CREBRF: variants seen among roughly 807,000 people sequenced by gnomAD.
CREBRF encodes the protein UPF0474 protein C5orf41.
Under a neutral mutation model 66.1 loss-of-function variants are expected in CREBRF, and 5 were observed. That is an observed-to-expected ratio of 0.08 (90% CI 0.04 to 0.16). The LOEUF (loss-of-function observed/expected upper bound fraction) is 0.16. Among genes scored for constraint, CREBRF ranks in the 10% least tolerant of loss-of-function variants. The pLI is 1.00. For missense variants in CREBRF, 531 were observed against 744.9 expected (o/e 0.71, Z 3.34); for synonymous variants, 229 against 264.4 (o/e 0.87, Z 1.30).
Position 173,092,464 on chromosome 5 carries a change from A to G in CREBRF, c.1222+1063A>G, listed in dbSNP as rs1163820687. The G allele has an allele frequency of 6.2e-6, 6 of 969,806 alleles. No homozygotes were observed. In the African/African-American group the frequency reaches 1.1e-4, roughly 17 times the overall value. The allele number at this position is 969,806 out of a possible 1,614,324, so 60.1% of individuals were successfully genotyped here. On this transcript the variant is annotated intron_variant, in intron 4 of 8. Transcript: ENST00000296953. ...CGCTGTTGGCTTGTGCAGTTTATTT[A>G]TAAAAATAGTATTGCCAAGTGGCAC...
intron 1 of CREBRF, among the ~76,000 whole-genome samples, chr5:173,069,076 A>C (rs527716552): frequency 6.6e-6 from 1 of 152,152 alleles, no homozygotes; most frequent in East Asian, 1.9e-4. Context: ...CGTCTCAAAA[A>C]ACAAAAAAAA....
At chr5:173,099,892 C>CTT (rs530015508) in intron 4 of CREBRF, among the ~76,000 whole-genome samples, 37 of 135,858 alleles carry the variant, frequency 2.7e-4, no homozygotes, top group Middle Eastern at 3.8e-3. Flanking sequence ...TTATATATAG[C>CTT]TTTTTTTTTT....
chr5:173,114,580 A>C (rs1758939725), intron 7 of CREBRF, among the ~76,000 whole-genome samples: 1 of 152,236 alleles, frequency 6.6e-6, no homozygotes, highest in African/African-American at 2.4e-5. Context: ...ATAGAAAATA[A>C]ATTTAGCTTT....
At chr5:173,101,489 T>C (rs1758626466) in intron 4 of CREBRF, among the ~76,000 whole-genome samples, 1 of 151,404 alleles carries the variant, frequency 6.6e-6, no homozygotes, top group African/African-American at 2.4e-5. Flanking sequence ...TTTCTCTTGC[T>C]GCTTTCAAAA....
rs951201339 is a variant in CREBRF, at chr5:173,137,282, C to G, written c.*3537C>G. The G allele has an allele frequency of 6.6e-6, 1 of 152,036 alleles. No individual in the cohort carries two copies. Among genetic ancestry groups the G allele is most frequent in the East Asian group, 1.9e-4 (1 of 5,200 alleles). The allele number at this position is 152,036 out of a possible 1,614,324, so 9.4% of individuals were successfully genotyped here. ...ACTTTGACCTTTTTGGTAAGAGAAT[C>G]AGAACTATTACAAAAGCATCATGAA... On this transcript the variant is annotated 3_prime_UTR_variant, in exon 9 of 9. Coordinates refer to ENST00000296953, the MANE Select transcript of CREBRF (RefSeq NM_153607.3).
rs376717561 is a variant in CREBRF at position 173,112,412 on chromosome 5, A to G, written c.1681+33A>G. The G allele has an allele frequency of 3.9e-5, 54 of 1,388,588 alleles. No individual in the cohort carries two copies. In the African/African-American group the frequency reaches 5.4e-4, roughly 14 times the overall value. 86.0% of individuals were successfully genotyped at this position (1,388,588 alleles called of 1,614,324 possible). On this transcript the variant is annotated intron_variant, in intron 7 of 8. Coordinates refer to ENST00000296953, the MANE Select transcript of CREBRF (RefSeq NM_153607.3). ...TAAAGTTTTAAGAAGTTGATTAACC[A>G]CCTATTGATTTGCTGACCACTCTCT...
At position 173,117,771 on chromosome 5, in the gene CREBRF, T is replaced by C. The variant is rs192901104; in HGVS notation, c.1682-5309T>C. ...TGTTGTCCAGGCTGGAGTCCAGTGG[T>C]GCGATCTCAGCTCACTGCAACCTCT... On this transcript the variant is annotated intron_variant, in intron 7 of 8. Coordinates refer to ENST00000296953, the MANE Select transcript of CREBRF (RefSeq NM_153607.3). Among the ~76,000 whole-genome samples, 9 of 149,318 alleles carry C rather than the reference T, an allele frequency of 6.0e-5. No individual in the cohort carries two copies. The East Asian group carries it at 1.8e-3, about 29-fold the overall frequency.
intron 7 of CREBRF, among the ~76,000 whole-genome samples, chr5:173,113,991 A>G (rs918418079): frequency 6.6e-6 from 1 of 152,246 alleles, no homozygotes; most frequent in Non-Finnish European, 1.5e-5. Flanking sequence ...AAAGTGAAAC[A>G]GTGTGAACAA....
chr5:173,082,223 C>T (rs1757976469), intron 2 of CREBRF, among the ~76,000 whole-genome samples: 1 of 151,880 alleles, frequency 6.6e-6, no homozygotes, highest in Admixed American at 6.6e-5. Context: ...CCGTGTCAGC[C>T]AGGATGGTCC....
chr5:173,067,923 C>A (rs1208714403), intron 1 of CREBRF, among the ~76,000 whole-genome samples: 1 of 152,034 alleles, frequency 6.6e-6, no homozygotes, highest in Non-Finnish European at 1.5e-5. Context: ...TGGTGTGAAC[C>A]CAGAAGGTGG....
chr5:173,129,277 C>G lies in CREBRF; in HGVS notation c.1805-4353C>G, dbSNP rs540278598. On this transcript the variant is annotated intron_variant, in intron 8 of 8. Coordinates refer to ENST00000296953, the MANE Select transcript of CREBRF (RefSeq NM_153607.3). ...GACTACAGGCACCTGCCACTGCGCC[C>G]GGCTAATTTTTTGTATTTTTAGTAG... Among the ~76,000 whole-genome samples the G allele has an allele frequency of 2.0e-4, 31 of 151,226 alleles. 2 individuals carry two copies. The highest frequency in any genetic ancestry group is 1.8e-3 in the East Asian group (9 of 5,098).
chr5:173,126,716 A>G (rs1200467713), intron 8 of CREBRF, among the ~76,000 whole-genome samples: 1 of 152,184 alleles, frequency 6.6e-6, no homozygotes, highest in Non-Finnish European at 1.5e-5. Flanking sequence ...GCCCATCCAC[A>G]TAAATATTGA....
At chr5:173,060,078 C>T (rs936004932) in intron 1 of CREBRF, among the ~76,000 whole-genome samples, 3 of 152,038 alleles carry the variant, frequency 2.0e-5, no homozygotes, top group East Asian at 3.8e-4. Context: ...ATACAAGTGA[C>T]AGTGAAGTAC....
chr5:173,090,503 C>T lies in CREBRF; in HGVS notation c.324C>T (p.Asp108=), dbSNP rs1758295474. Residue 108 remains aspartate, a synonymous_variant, in exon 4 of 9, where the codon GAC becomes GAT. Coordinates refer to ENST00000296953, the MANE Select transcript of CREBRF (RefSeq NM_153607.3). The surrounding 1 kb of genome is among the most constrained non-coding windows in gnomAD (Gnocchi z 4.5). ...LTKYTKLTSC[D]IWGTKEVDYL... ...AATATACCAAACTAACCAGCTGTGACATCTGGGGAACAAAAGAAGTGGATT... is the reference window on the plus strand; with the variant it reads ...AATATACCAAACTAACCAGCTGTGATATCTGGGGAACAAAAGAAGTGGATT... 1 of 1,613,410 alleles carries T rather than the reference C, an allele frequency of 6.2e-7. No individual in the cohort carries two copies.
At chr5:173,068,006 A>T (rs1464134614) in intron 1 of CREBRF, 1 of 333,782 alleles carries the variant, frequency 3.0e-6, no homozygotes, top group Non-Finnish European at 6.0e-6. Context: ...CCTCAAAAAA[A>T]AAAAATCTTC....
At chr5:173,121,110 C>T (rs1404405660) in intron 7 of CREBRF, among the ~76,000 whole-genome samples, 1 of 152,158 alleles carries the variant, frequency 6.6e-6, no homozygotes, top group East Asian at 1.9e-4. Flanking sequence ...TCTGTAGATT[C>T]TAAAGTGATA....
intron 2 of CREBRF, chr5:173,086,146 A>G (rs1449108071): frequency 6.4e-6 from 5 of 783,598 alleles, no homozygotes; most frequent in South Asian, 2.7e-5. Context: ...GTCGTGTAGG[A>G]TATCAGGAGA....
chr5:173,102,175 A>G (rs1415897824), intron 4 of CREBRF, among the ~76,000 whole-genome samples: 2 of 152,188 alleles, frequency 1.3e-5, no homozygotes, highest in Non-Finnish European at 2.9e-5. Context: ...CTTCTTTAAG[A>G]CAATTATTTT....
chr5:173,114,498 C>T (rs1758937636), intron 7 of CREBRF, among the ~76,000 whole-genome samples: 1 of 152,166 alleles, frequency 6.6e-6, no homozygotes, highest in Non-Finnish European at 1.5e-5. Context: ...AGAACATCAT[C>T]TACTATTACT....
Sources: allele counts gnomAD v4.1 joint callset (sites outside exome capture counted in the v4.1 genomes callset), GRCh38; gene constraint gnomAD v4.1.1; non-coding constraint Gnocchi (gnomAD v3.1); transcripts MANE v1.5; gene names NCBI Gene and HGNC (gene_info 2026-07-23, HGNC 2026-07-21).